PDE2A: variants seen among roughly 807,000 people sequenced by gnomAD.
The protein encoded by PDE2A is cGMP-dependent 3',5'-cyclic phosphodiesterase.
In PDE2A, 53 loss-of-function variants were observed where a neutral mutation model predicts 133.6. The observed-to-expected ratio is 0.40, with a 90% CI of 0.32 to 0.50. The LOEUF is 0.50. PDE2A is among the 20% of genes least tolerant of loss of function. The probability of loss-of-function intolerance (pLI) is 0.73; values close to 1 mark genes in which losing one functional copy is unlikely to be tolerated. For synonymous variants in PDE2A, 491 were observed against 490.2 expected (o/e 1.00, Z -0.02); for missense variants, 796 against 1,232.4 (o/e 0.65, Z 5.30).
Position 72,587,426 on chromosome 11 carries a change from C to T in PDE2A, c.1071-1245G>A, listed in dbSNP as rs145382932. 4.9e-3 allele frequency among the ~76,000 whole-genome samples: 751 copies of T among 152,352 alleles called. 3 individuals carry two copies. Among genetic ancestry groups the T allele is most frequent in the African/African-American group, 0.017 (719 of 41,574 alleles). On this transcript the variant is annotated intron_variant, in intron 13 of 30. Coordinates refer to ENST00000334456, the MANE Select transcript of PDE2A (RefSeq NM_002599.5). ...TCATGCAGTCATTCAACACTCACTC[C>T]CTGAAATGCGTGGGACACAGAGATA...
At chr11:72,588,702 C>T (rs1856091385) in intron 13 of PDE2A, 82 bp downstream of exon 13, 14 of 1,370,564 alleles carry the variant, frequency 1.0e-5, no homozygotes, top group Non-Finnish European at 1.4e-5. Flanking sequence ...GCCCAGTACC[C>T]ATCCCACATT....
intron 13 of PDE2A, among the ~76,000 whole-genome samples, chr11:72,588,562 C>T (rs537665927): frequency 6.6e-6 from 1 of 152,262 alleles, no homozygotes; most frequent in South Asian, 2.1e-4. Flanking sequence ...AACCCAATAC[C>T]CCAAGAGCAG....
At position 72,590,613 on chromosome 11, in the gene PDE2A, G is replaced by A. The variant is rs1234842586; in HGVS notation, c.550-33C>T. 3 of 1,340,532 alleles carry A rather than the reference G, an allele frequency of 2.2e-6. No homozygotes were observed. Among genetic ancestry groups the A allele is most frequent in the Non-Finnish European group, 2.9e-6 (3 of 1,051,238 alleles). 83.0% of individuals were successfully genotyped at this position (1,340,532 alleles called of 1,614,324 possible). The stretch of plus-strand genomic sequence containing the variant: ...AGGCCGAGCGGTTAGCGCGCCGCTC[G>A]CCCCAAGCTCGCTGCGCTTGCTGCA... On this transcript the variant is annotated intron_variant, in intron 7 of 30. Coordinates refer to ENST00000334456, the MANE Select transcript of PDE2A (RefSeq NM_002599.5). The surrounding 1 kb of genome is among the most constrained non-coding windows in gnomAD (Gnocchi z 4.8).
intron 1 of PDE2A, among the ~76,000 whole-genome samples, chr11:72,673,927 C>T (rs140038788): frequency 3.3e-4 from 51 of 152,274 alleles, no homozygotes; most frequent in African/African-American, 4.8e-4. Context: ...ACTAGGTTGA[C>T]GTTAGACACC....
At chr11:72,593,180 TAC>T (rs111253499) in intron 6 of PDE2A, among the ~76,000 whole-genome samples, 23 of 148,954 alleles carry the variant, frequency 1.5e-4, no homozygotes, top group Middle Eastern at 3.4e-3. Flanking sequence ...ATGGAGGTGG[TAC>T]ACACACACAC....
chr11:72,636,008 C>T (rs556529131), intron 2 of PDE2A: 1 of 1,259,296 alleles, frequency 7.9e-7, no homozygotes, highest in Non-Finnish European at 1.0e-6. Context: ...CCATGCCCTT[C>T]CTGTCTCCCA....
At chr11:72,606,476 C>G (rs1408250187) in intron 3 of PDE2A, among the ~76,000 whole-genome samples, 2 of 152,220 alleles carry the variant, frequency 1.3e-5, no homozygotes, top group Admixed American at 6.5e-5. Flanking sequence ...GCCCCCACCA[C>G]AGGAGATGCC....
At chr11:72,627,763 C>G (rs1858158012) in intron 2 of PDE2A, among the ~76,000 whole-genome samples, 1 of 152,230 alleles carries the variant, frequency 6.6e-6, no homozygotes, top group Admixed American at 6.5e-5. Flanking sequence ...CCCCATGCCC[C>G]CATCCCAGCT....
chr11:72,594,579 G>A (rs1479145585), intron 6 of PDE2A, among the ~76,000 whole-genome samples: 1 of 152,116 alleles, frequency 6.6e-6, no homozygotes, highest in Non-Finnish European at 1.5e-5. Context: ...GAGGTGAAGG[G>A]ACGGTTGTTG....
At chr11:72,671,454 C>T (rs1298418754) in intron 1 of PDE2A, among the ~76,000 whole-genome samples, 1 of 152,154 alleles carries the variant, frequency 6.6e-6, no homozygotes, top group Non-Finnish European at 1.5e-5. Context: ...TCCATTAAGA[C>T]CAAGGGGTAA....
chr11:72,585,499 C>T (rs965547320), intron 15 of PDE2A, 55 bp downstream of exon 15: 17 of 1,612,002 alleles, frequency 1.1e-5, no homozygotes, highest in Admixed American at 1.7e-5. Context: ...CTCTCCTCTG[C>T]AAATGCCAGC....
In PDE2A at chr11:72,594,329, T is replaced by TGCACCCTCTGCCC. The variant is rs1273810811; in HGVS notation, c.489+2251_489+2263dup. On this transcript the variant is annotated intron_variant, in intron 6 of 30. Transcript: ENST00000334456. The stretch of plus-strand genomic sequence containing the variant: ...ACCCTGTGGCTCTCCATCTTCCTTC[T>TGCACCCTCTGCCC]GCACCCTCTGCCCTCAGGATCTGGC... Among the ~76,000 whole-genome samples, 6 of 152,346 alleles carry TGCACCCTCTGCCC rather than the reference T, an allele frequency of 3.9e-5. No homozygotes were observed. The South Asian group carries it at 1.2e-3, about 32-fold the overall frequency.
intron 1 of PDE2A, among the ~76,000 whole-genome samples, chr11:72,662,164 C>T (rs987631650): frequency 3.3e-5 from 5 of 152,062 alleles, no homozygotes; most frequent in South Asian, 4.2e-4. Flanking sequence ...AGGGAGGTGC[C>T]GGAGCTGGGA....
At chr11:72,635,349 T>C (rs1043358233) in intron 2 of PDE2A, among the ~76,000 whole-genome samples, 12 of 152,212 alleles carry the variant, frequency 7.9e-5, no homozygotes, top group African/African-American at 2.9e-4. Context: ...CTTGTTATGT[T>C]TTTAATAACT....
intron 2 of PDE2A, among the ~76,000 whole-genome samples, chr11:72,639,849 G>T (rs1266612867): frequency 6.6e-6 from 1 of 152,120 alleles, no homozygotes. Flanking sequence ...ATCAGGAGGG[G>T]AGCAAGAACA....
At chr11:72,618,720 T>C (rs1052825430) in intron 2 of PDE2A, among the ~76,000 whole-genome samples, 3 of 152,118 alleles carry the variant, frequency 2.0e-5, no homozygotes, top group East Asian at 3.9e-4. Flanking sequence ...ATTTTTCAGA[T>C]GAGAGAGCCA....
chr11:72,642,693 G>C (rs1324189842), intron 1 of PDE2A, among the ~76,000 whole-genome samples: 1 of 151,932 alleles, frequency 6.6e-6, no homozygotes, highest in African/African-American at 2.4e-5. Flanking sequence ...CACTTCTCTC[G>C]CATCTCGCAG....
At position 72,582,505 on chromosome 11, in the gene PDE2A, T is replaced by C; in HGVS notation, c.1790A>G (p.Asp597Gly). The C allele has an allele frequency of 6.2e-7, 1 of 1,613,464 alleles. No individual in the cohort carries two copies. The highest frequency in any genetic ancestry group is 2.2e-5 in the East Asian group (1 of 44,872). The change falls in exon 21 of 31, where the codon GAC becomes GGC. Residue 597 changes from aspartate (D) to glycine (G), a missense_variant. Physicochemically the swap from Asp to Gly is moderately conservative, Grantham distance 94. Around this residue, in one of 7 missense-constraint regions of PDE2A, gnomAD observed 218 missense variants for 465.9 expected, o/e 0.47. Transcript: ENST00000334456. Reference sequence around the variant, plus strand: ...ATAGGTGAAACTTGCAAAATTGGAGTCAATGGCAGCCACAGGCTGGATCCC... The same window carrying C: ...ATAGGTGAAACTTGCAAAATTGGAGCCAATGGCAGCCACAGGCTGGATCCC... ...HDGIQPVAAI[D>G]SNFASFTYTP... is the part of the protein sequence containing the mutation.
At position 72,589,941 on chromosome 11, in the gene PDE2A, A is replaced by G; in HGVS notation, c.797T>C (p.Leu266Pro). 1.2e-6 allele frequency: 2 copies of G among 1,613,192 alleles called. No individual in the cohort carries two copies. Among genetic ancestry groups the G allele is most frequent in the Non-Finnish European group, 1.7e-6 (2 of 1,179,810 alleles). Reference sequence around the variant, plus strand: ...AAGCTGGAGATTGTCCTCCGACACCAGCAGGAGGCAGCAGCGGGATGCCCG... The same window carrying G: ...AAGCTGGAGATTGTCCTCCGACACCGGCAGGAGGCAGCAGCGGGATGCCCG... ...ETRASRCCLL[L>P]VSEDNLQLSC... Residue 266 changes from leucine to proline, a missense_variant, in exon 10 of 31, where the codon CTG becomes CCG. Leu to Pro is a moderately conservative substitution (Grantham distance 98). Around this residue, in one of 7 missense-constraint regions of PDE2A, gnomAD observed 417 missense variants for 475.3 expected, o/e 0.88. Transcript: ENST00000334456.
Sources: allele counts gnomAD v4.1 joint callset (sites outside exome capture counted in the v4.1 genomes callset), GRCh38; gene constraint gnomAD v4.1.1; regional missense constraint gnomAD v4.1.1; non-coding constraint Gnocchi (gnomAD v3.1); transcripts MANE v1.5; gene names NCBI Gene and HGNC (gene_info 2026-07-23, HGNC 2026-07-21).